Variants in RNF144B observed in about 807,000 individuals in gnomAD.
RNF144B encodes ring finger protein 144B, also known as E3 ubiquitin-protein ligase RNF144B.
RNF144B carries 25 observed loss-of-function variants against 40.2 expected under a neutral mutation model. The observed-to-expected ratio is 0.62, with a 90% CI of 0.45 to 0.87. The LOEUF (loss-of-function observed/expected upper bound fraction) is 0.87, where lower values mean the gene tolerates loss of function less well. Ranked by LOEUF, RNF144B falls within the 40% of genes least tolerant of loss-of-function variation. The pLI, the probability that RNF144B is intolerant of heterozygous loss-of-function variation, is 0.00. For synonymous variants in RNF144B, 145 were observed against 136.3 expected, an observed-to-expected ratio of 1.06 and a Z score of -0.44; for missense variants, 365 against 373.7, an observed-to-expected ratio of 0.98 and a Z score of 0.19.
rs541998193 is a variant in RNF144B, at chr6:18,436,150, C to A, written c.271-3534C>A. 2.4e-4 allele frequency among the ~76,000 whole-genome samples: 37 copies of A among 152,120 alleles called. 1 individual carries two copies. In the South Asian group the frequency reaches 3.1e-3, roughly 13 times the overall value. On this transcript the variant is annotated intron_variant, in intron 3 of 7. Transcript: ENST00000259939. Reference sequence around the variant, plus strand: ...CAAGGACACGTCTGTGATATTCTTGCCAAAAATTCATAACCTGAATCTAAT... The same window carrying A: ...CAAGGACACGTCTGTGATATTCTTGACAAAAATTCATAACCTGAATCTAAT...
chr6:18,427,525 A>G, intron 2 of RNF144B, 56 bp from the exon 3 acceptor site: 1 of 1,232,090 alleles, frequency 8.1e-7, no homozygotes, highest in Non-Finnish European at 1.2e-6. Context: ...TCTGTTATGT[A>G]ACCTTTCTGC....
rs1324736859 is a variant in RNF144B, at chr6:18,457,624, T to G, written c.536+265T>G. On this transcript the variant is annotated intron_variant, in intron 5 of 7. Coordinates refer to ENST00000259939, the MANE Select transcript of RNF144B (RefSeq NM_182757.4). The surrounding 1 kb of genome is among the most constrained non-coding windows in gnomAD (Gnocchi z 5.1). ...CTCTTTAGGTAGTGAGGCACCGTGG[T>G]CTACTGGTTCTCAGTAGGAAATCAT... 6.6e-6 allele frequency among the ~76,000 whole-genome samples: 1 copy of G among 152,180 alleles called. No homozygotes were observed.
Position 18,464,814 on chromosome 6 carries a change from G to A in RNF144B, c.772-113G>A. On this transcript the variant is annotated intron_variant, in intron 7 of 7. Transcript: ENST00000259939. The surrounding 1 kb of genome is among the most constrained non-coding windows in gnomAD (Gnocchi z 6.1). The stretch of plus-strand genomic sequence containing the variant: ...TCGGGGATTTAGGGTTTCAACATAT[G>A]AGCTTCAGGGGGACACAAACATTTG... 9.8e-7 allele frequency: 1 copy of A among 1,019,356 alleles called. No individual in the cohort carries two copies. Among genetic ancestry groups the A allele is most frequent in the Non-Finnish European group, 1.5e-6 (1 of 683,962 alleles). 63.1% of individuals were successfully genotyped at this position (1,019,356 alleles called of 1,614,324 possible). A position where few individuals can be genotyped will look rare whatever the true frequency, so the allele number is the denominator to read the frequency against.
In RNF144B at chr6:18,414,338, A is replaced by G. The variant is rs996815040; in HGVS notation, c.166-13243A>G. 6.6e-6 allele frequency among the ~76,000 whole-genome samples: 1 copy of G among 152,142 alleles called. No individual in the cohort carries two copies. The highest frequency in any genetic ancestry group is 1.5e-5 in the Non-Finnish European group (1 of 68,024). ...TTCTTAACTGATGTCCCTTGTTCCT[A>G]TCATTCCATGTATAGAAATAATATC... On this transcript the variant is annotated intron_variant, in intron 2 of 7. Coordinates refer to ENST00000259939, the MANE Select transcript of RNF144B (RefSeq NM_182757.4). This position sits in a 1 kb window ranked among gnomAD's most constrained non-coding sequence, Gnocchi z 4.9.
chr6:18,409,746 T>C lies in RNF144B; in HGVS notation c.165+10047T>C, dbSNP rs147888757. Among the ~76,000 whole-genome samples the C allele has an allele frequency of 9.9e-4, 151 of 151,920 alleles. 1 individual carries two copies. Among genetic ancestry groups the C allele is most frequent in the African/African-American group, 3.6e-3 (148 of 41,424 alleles). On this transcript the variant is annotated intron_variant, in intron 2 of 7. Coordinates refer to ENST00000259939, the MANE Select transcript of RNF144B (RefSeq NM_182757.4). ...CCATCATGCTGGCTAATTTTTGTAT[T>C]TTTAGTAGAGATGGGATTTCACCTT...
chr6:18,389,623 T>C (rs1052890975), intron 1 of RNF144B, among the ~76,000 whole-genome samples: 1 of 152,138 alleles, frequency 6.6e-6, no homozygotes, highest in Non-Finnish European at 1.5e-5. Flanking sequence ...AAGTTTTTAG[T>C]GTTTGAAATC....
intron 1 of RNF144B, among the ~76,000 whole-genome samples, chr6:18,391,773 C>G (rs1794585912): frequency 6.6e-6 from 1 of 151,548 alleles, no homozygotes; most frequent in East Asian, 2.0e-4. Flanking sequence ...GAGGCTGAGG[C>G]AGGAGGATGG....
chr6:18,393,363 A>G (rs1164022815), intron 1 of RNF144B, among the ~76,000 whole-genome samples: 1 of 152,206 alleles, frequency 6.6e-6, no homozygotes, highest in Non-Finnish European at 1.5e-5. Context: ...AAGGAGGTCT[A>G]CCATAAGCCC....
Position 18,435,406 on chromosome 6 carries a change from A to G in RNF144B, c.271-4278A>G, listed in dbSNP as rs528104135. Among the ~76,000 whole-genome samples the G allele has an allele frequency of 1.1e-4, 16 of 148,802 alleles. No individual in the cohort carries two copies. The South Asian group carries it at 3.1e-3, about 29-fold the overall frequency. On this transcript the variant is annotated intron_variant, in intron 3 of 7. Coordinates refer to ENST00000259939, the MANE Select transcript of RNF144B (RefSeq NM_182757.4). ...AGTCTATGCTGACTGAAATTTAAAA[A>G]ATGAATAAATAGAGAAGGGACAGCT...
chr6:18,439,386 T>A (rs1758905159), intron 3 of RNF144B, among the ~76,000 whole-genome samples: 1 of 152,130 alleles, frequency 6.6e-6, no homozygotes, highest in Admixed American at 6.6e-5. Context: ...ATTTTAGAAG[T>A]CCCTGTAATA....
chr6:18,423,701 G>C (rs544648846), intron 2 of RNF144B, among the ~76,000 whole-genome samples: 1 of 152,214 alleles, frequency 6.6e-6, no homozygotes, highest in South Asian at 2.1e-4. Flanking sequence ...CCAGGTGTTT[G>C]GTTACATTTT....
At chr6:18,397,583 T>A (rs1009421672) in intron 1 of RNF144B, among the ~76,000 whole-genome samples, 1 of 152,200 alleles carries the variant, frequency 6.6e-6, no homozygotes, top group Non-Finnish European at 1.5e-5. Context: ...TAGAAGAACT[T>A]TGGCTGTAGT....
intron 3 of RNF144B, among the ~76,000 whole-genome samples, chr6:18,429,287 T>C (rs1378271755): frequency 6.6e-6 from 1 of 152,178 alleles, no homozygotes; most frequent in Non-Finnish European, 1.5e-5. Flanking sequence ...AATTTGTGTG[T>C]GTGTGCAGAC....
intron 2 of RNF144B, among the ~76,000 whole-genome samples, chr6:18,409,922 G>A (rs73375983): frequency 1.6e-3 from 247 of 152,214 alleles, no homozygotes; most frequent in African/African-American, 5.7e-3. Flanking sequence ...TTTAGGCTTG[G>A]TATTCGGGTA....
At position 18,414,608 on chromosome 6, in the gene RNF144B, TA is replaced by T. The variant is rs1795110153; in HGVS notation, c.166-12972del. Among the ~76,000 whole-genome samples the T allele has an allele frequency of 6.6e-6, 1 of 152,164 alleles. No individual in the cohort carries two copies. The highest frequency in any genetic ancestry group is 2.4e-5 in the African/African-American group (1 of 41,456). On this transcript the variant is annotated intron_variant, in intron 2 of 7. Coordinates refer to ENST00000259939, the MANE Select transcript of RNF144B (RefSeq NM_182757.4). The surrounding 1 kb of genome is among the most constrained non-coding windows in gnomAD (Gnocchi z 4.9). The stretch of plus-strand genomic sequence containing the variant: ...AATTTGTATAGATACGTAGTAGGTA[TA>T]TATATGATTAGTTTTAATTAAGATA...
chr6:18,435,343 T>C (rs1758793392), intron 3 of RNF144B, among the ~76,000 whole-genome samples: 1 of 152,216 alleles, frequency 6.6e-6, no homozygotes, highest in Non-Finnish European at 1.5e-5. Flanking sequence ...ATTTGGTTAG[T>C]AATGAATTAG....
chr6:18,460,228 G>A lies in RNF144B; in HGVS notation c.681+477G>A, dbSNP rs976094064. On this transcript the variant is annotated intron_variant, in intron 6 of 7. Transcript: ENST00000259939. This position sits in a 1 kb window ranked among gnomAD's most constrained non-coding sequence, Gnocchi z 4.4. ...TGTTTTCTTGCCTTGGAGGCTGTCC[G>A]CTTTCCTTGGCTTGTGGCCTCTTCC... 3.3e-5 allele frequency among the ~76,000 whole-genome samples: 5 copies of A among 152,126 alleles called. No individual in the cohort carries two copies. Among genetic ancestry groups the A allele is most frequent in the African/African-American group, 4.8e-5 (2 of 41,440 alleles).
rs1759568773 is a variant in RNF144B at position 18,466,256 on chromosome 6, T to G, written c.*1189T>G. On this transcript the variant is annotated 3_prime_UTR_variant, in exon 8 of 8. Coordinates refer to ENST00000259939, the MANE Select transcript of RNF144B (RefSeq NM_182757.4). ...TAAAACAGTGCTTAGTACAATATCC[T>G]GCCATCTCTGTAAAAACGCTAATTG... is the stretch of plus-strand genomic sequence containing the variant. 1 of 151,928 alleles carries G rather than the reference T, an allele frequency of 6.6e-6. No homozygotes were observed. The highest frequency in any genetic ancestry group is 2.4e-5 in the African/African-American group (1 of 41,184). The allele number at this position is 151,928 out of a possible 1,614,324, so 9.4% of individuals were successfully genotyped here.
intron 1 of RNF144B, among the ~76,000 whole-genome samples, chr6:18,397,522 CAATT>C (rs1426653411): frequency 2.0e-5 from 3 of 152,200 alleles, no homozygotes; most frequent in Admixed American, 1.3e-4. Context: ...ATTATTTTCA[CAATT>C]ATTTAGTCTC....
Sources: gnomAD v4.1 joint callset for allele counts (sites outside exome capture counted in the v4.1 genomes callset) on GRCh38, gnomAD v4.1.1 for gene constraint, Gnocchi (gnomAD v3.1) non-coding constraint, MANE v1.5 for transcripts, NCBI Gene and HGNC (gene_info 2026-07-23, HGNC 2026-07-21) for gene names.